The following ZNF385B variants were observed in gnomAD, a reference collection of about 807,000 sequenced individuals.
The protein encoded by ZNF385B is zinc finger protein 385B.
In ZNF385B, 23 loss-of-function variants were observed where a neutral mutation model predicts 39.2. That is an observed-to-expected ratio of 0.59 (90% confidence interval 0.42 to 0.83). The LOEUF (loss-of-function observed/expected upper bound fraction) is 0.83. Ranked by LOEUF, ZNF385B falls within the 40% of genes least tolerant of loss-of-function variation. ZNF385B has a pLI of 0.00. For missense variants in ZNF385B, 552 were observed against 598.9 expected, an observed-to-expected ratio of 0.92 and a Z score of 0.82; for synonymous variants, 205 against 222.6, an observed-to-expected ratio of 0.92 and a Z score of 0.70.
At chr2:179,749,046 T>G (rs989443877) in intron 3 of ZNF385B, among the ~76,000 whole-genome samples, 3 of 152,092 alleles carry the variant, frequency 2.0e-5, no homozygotes, top group Non-Finnish European at 4.4e-5. Context: ...TTTTTGACAA[T>G]ACAACATAAT....
At chr2:179,741,105 C>A (rs1394779668) in intron 3 of ZNF385B, among the ~76,000 whole-genome samples, 1 of 152,126 alleles carries the variant, frequency 6.6e-6, no homozygotes, top group Non-Finnish European at 1.5e-5. Context: ...TCACATTCAA[C>A]TGATCAATTC....
At chr2:179,472,373 T>G (rs1489915315) in intron 6 of ZNF385B, among the ~76,000 whole-genome samples, 1 of 152,222 alleles carries the variant, frequency 6.6e-6, no homozygotes. Context: ...ATTATTTTAC[T>G]TTTTAACAGG....
intron 3 of ZNF385B, among the ~76,000 whole-genome samples, chr2:179,630,429 CCTGA>C (rs767126268): frequency 1.3e-5 from 2 of 152,156 alleles, no homozygotes; most frequent in Non-Finnish European, 2.9e-5. Context: ...AGCTGAGGGA[CCTGA>C]CTATTAGAAG....
intron 3 of ZNF385B, among the ~76,000 whole-genome samples, chr2:179,652,605 C>T (rs966868349): frequency 2.0e-5 from 3 of 152,092 alleles, no homozygotes; most frequent in African/African-American, 7.2e-5. Flanking sequence ...ATTTGCTAGT[C>T]CCTTGCTCTT....
intron 1 of ZNF385B, among the ~76,000 whole-genome samples, chr2:179,832,094 G>C (rs1708017821): frequency 6.6e-6 from 1 of 152,190 alleles, no homozygotes; most frequent in Admixed American, 6.5e-5. Context: ...TCAGTAGCAA[G>C]CACAGCAGTC....
intron 3 of ZNF385B, among the ~76,000 whole-genome samples, chr2:179,664,650 T>A (rs1209680009): frequency 6.6e-6 from 1 of 152,200 alleles, no homozygotes; most frequent in Admixed American, 6.5e-5. Flanking sequence ...AGACTGGATG[T>A]GTCTTGTATT....
At chr2:179,705,646 T>C (rs530552702) in intron 3 of ZNF385B, among the ~76,000 whole-genome samples, 3 of 152,344 alleles carry the variant, frequency 2.0e-5, no homozygotes, top group South Asian at 4.1e-4. Flanking sequence ...TTAGACATTA[T>C]GTATGTTCTT....
At chr2:179,565,360 T>C (rs1684436313) in intron 3 of ZNF385B, among the ~76,000 whole-genome samples, 1 of 152,336 alleles carries the variant, frequency 6.6e-6, no homozygotes, top group Middle Eastern at 3.4e-3. Context: ...AAATAATGCA[T>C]GTAAATTCTT....
intron 1 of ZNF385B, among the ~76,000 whole-genome samples, chr2:179,778,901 C>G (rs541924546): frequency 6.6e-6 from 1 of 152,234 alleles, no homozygotes; most frequent in African/African-American, 2.4e-5. Flanking sequence ...TACTTCTGGT[C>G]TTTTTCATTT....
chr2:179,574,470 C>T (rs529982727), intron 3 of ZNF385B, among the ~76,000 whole-genome samples: 2 of 152,236 alleles, frequency 1.3e-5, no homozygotes, highest in South Asian at 2.1e-4. Context: ...TCTGCTTTAT[C>T]CTGAATAAGG....
In ZNF385B at chr2:179,665,872, A is replaced by G. The variant is rs1695086068; in HGVS notation, c.298+103631T>C. ...TACCTGCTCAATGTATACCCACTCTACCTTGCTTATTTCTATGCAAAGCCA... is the reference window on the plus strand; with the variant it reads ...TACCTGCTCAATGTATACCCACTCTGCCTTGCTTATTTCTATGCAAAGCCA... On this transcript the variant is annotated intron_variant, in intron 3 of 9. Coordinates refer to ENST00000410066, the MANE Select transcript of ZNF385B (RefSeq NM_152520.6). Among the ~76,000 whole-genome samples the G allele has an allele frequency of 3.3e-5, 5 of 150,946 alleles. No homozygotes were observed. The South Asian group carries it at 1.0e-3, about 32-fold the overall frequency.
chr2:179,550,119 T>A (rs370629261), intron 3 of ZNF385B, among the ~76,000 whole-genome samples: 1 of 149,636 alleles, frequency 6.7e-6, no homozygotes, highest in South Asian at 2.1e-4. Context: ...TTTCTTATGT[T>A]AGCCCAATGG....
chr2:179,807,885 ACT>A lies in ZNF385B; in HGVS notation c.-154-37215_-154-37214del, dbSNP rs754475380. On this transcript the variant is annotated intron_variant, in intron 1 of 9. Coordinates refer to ENST00000410066, the MANE Select transcript of ZNF385B (RefSeq NM_152520.6). ...ACTCCAACCTGGGCGACAGAGCGAG[ACT>A]CCGTCTGAAAGAAAGAAAGAAAGAA... Among the ~76,000 whole-genome samples, 93 of 133,650 alleles carry A rather than the reference ACT, an allele frequency of 7.0e-4. 1 individual carries two copies. Among genetic ancestry groups the A allele is most frequent in the Non-Finnish European group, 1.3e-3 (79 of 61,912 alleles). 87.7% of individuals were successfully genotyped at this position (133,650 alleles called of 152,430 possible).
At chr2:179,687,923 T>C (rs967577464) in intron 3 of ZNF385B, among the ~76,000 whole-genome samples, 3 of 152,248 alleles carry the variant, frequency 2.0e-5, no homozygotes, top group Admixed American at 2.0e-4. Context: ...ACTGGAGTCA[T>C]AATTAGTTCA....
intron 3 of ZNF385B, among the ~76,000 whole-genome samples, chr2:179,767,662 C>T (rs1317283365): frequency 6.6e-6 from 1 of 152,042 alleles, no homozygotes; most frequent in Non-Finnish European, 1.5e-5. Flanking sequence ...TCAGTGGAGG[C>T]TCTAAACAGT....
At chr2:179,855,085 G>C (rs1684478967) in intron 1 of ZNF385B, among the ~76,000 whole-genome samples, 1 of 151,792 alleles carries the variant, frequency 6.6e-6, no homozygotes, top group Admixed American at 6.6e-5. Context: ...TTTATTTTCA[G>C]ATGTGTACAG....
In ZNF385B at chr2:179,797,199, C is replaced by A. The variant is rs542998421; in HGVS notation, c.-154-26527G>T. 5.9e-5 allele frequency among the ~76,000 whole-genome samples: 9 copies of A among 152,140 alleles called. No individual in the cohort carries two copies. In the South Asian group the frequency reaches 1.9e-3, roughly 32 times the overall value. ...AAATCTTATTGTAGAAAATTTAAAACCTACACAAAAGTAGTAAAAATAGTA... is the reference window on the plus strand; with the variant it reads ...AAATCTTATTGTAGAAAATTTAAAAACTACACAAAAGTAGTAAAAATAGTA... On this transcript the variant is annotated intron_variant, in intron 1 of 9. Coordinates refer to ENST00000410066, the MANE Select transcript of ZNF385B (RefSeq NM_152520.6).
chr2:179,504,393 G>A (rs1020468525), intron 5 of ZNF385B, among the ~76,000 whole-genome samples: 1 of 152,042 alleles, frequency 6.6e-6, no homozygotes. Context: ...TATATATCCA[G>A]TAATGGGATG....
At position 179,815,496 on chromosome 2, in the gene ZNF385B, G is replaced by A. The variant is rs191936473; in HGVS notation, c.-154-44824C>T. Among the ~76,000 whole-genome samples the A allele has an allele frequency of 3.8e-3, 535 of 142,412 alleles. 7 individuals carry two copies. Among genetic ancestry groups the A allele is most frequent in the African/African-American group, 0.013 (505 of 38,788 alleles). The allele number at this position is 142,412 out of a possible 152,430, so 93.4% of individuals were successfully genotyped here. ...TGAAAATAGGGAAAAGAACTATACC[G>A]GTATTTCTGTTTACCTAAACACATG... On this transcript the variant is annotated intron_variant, in intron 1 of 9. Transcript: ENST00000410066.
Sources: allele counts gnomAD v4.1 joint callset (sites outside exome capture counted in the v4.1 genomes callset), GRCh38; gene constraint gnomAD v4.1.1; transcripts MANE v1.5; gene names NCBI Gene and HGNC (gene_info 2026-07-23, HGNC 2026-07-21).